The following MRPS25 variants were observed in gnomAD, a reference collection of about 807,000 sequenced individuals.
MRPS25 encodes the protein mitochondrial ribosomal protein S25, also known as small ribosomal subunit protein mS25.
Under a neutral mutation model 17.3 loss-of-function variants are expected in MRPS25, and 15 were observed. That is an observed-to-expected ratio of 0.87 (90% confidence interval 0.58 to 1.34). The LOEUF (loss-of-function observed/expected upper bound fraction) is 1.34. Among genes scored for constraint, MRPS25 ranks in the 40% most tolerant of loss-of-function variants. MRPS25 has a pLI of 0.00. For synonymous variants in MRPS25, 94 were observed against 83.3 expected, an observed-to-expected ratio of 1.13 and a Z score of -0.70; for missense variants, 225 against 218.6, an observed-to-expected ratio of 1.03 and a Z score of -0.19.
Position 15,052,294 on chromosome 3 carries a change from T to C in MRPS25, c.*147A>G. ...CAGACCCTCCTCTCCCACATCCTTTTACACAGGTGTGTAAAGTCCTTTTAA... is the reference window on the plus strand; with the variant it reads ...CAGACCCTCCTCTCCCACATCCTTTCACACAGGTGTGTAAAGTCCTTTTAA... On this transcript the variant is annotated 3_prime_UTR_variant, in exon 4 of 4. Transcript: ENST00000253686. 1 of 1,428,862 alleles carries C rather than the reference T, an allele frequency of 7.0e-7. No individual in the cohort carries two copies. Among genetic ancestry groups the C allele is most frequent in the Non-Finnish European group, 9.1e-7 (1 of 1,093,008 alleles). The allele number at this position is 1,428,862 out of a possible 1,614,324, so 88.5% of individuals were successfully genotyped here.
Position 15,059,362 on chromosome 3 carries a change from C to T in MRPS25, c.241+7G>A. On this transcript the variant is annotated splice_region_variant and intron_variant, in intron 2 of 3. Coordinates refer to ENST00000253686, the MANE Select transcript of MRPS25 (RefSeq NM_022497.5). ...AGCCCCTGGACCATGGCGAGGGCCCCACTCACCTAAGTAGAATCGCAGGAA... is the reference window on the plus strand; with the variant it reads ...AGCCCCTGGACCATGGCGAGGGCCCTACTCACCTAAGTAGAATCGCAGGAA... 2 of 1,596,180 alleles carry T rather than the reference C, an allele frequency of 1.3e-6. No homozygotes were observed. Among genetic ancestry groups the T allele is most frequent in the Non-Finnish European group, 1.7e-6 (2 of 1,164,032 alleles).
At chr3:15,061,989 C>T (rs1441221578) in intron 1 of MRPS25, among the ~76,000 whole-genome samples, 1 of 149,446 alleles carries the variant, frequency 6.7e-6, no homozygotes, top group Non-Finnish European at 1.5e-5. Context: ...GCAGCCGCCC[C>T]GTCTGGGAAG....
rs985090387 is a variant in MRPS25 at position 15,065,109 on chromosome 3, A to C, written c.86T>G (p.Val29Gly). The change falls in exon 1 of 4, where the codon GTC (valine) becomes GGC (glycine). Residue 29 changes from valine (V) to glycine (G), a missense_variant. Coordinates refer to ENST00000253686, the MANE Select transcript of MRPS25 (RefSeq NM_022497.5). ...GNVVFKDSVKVMTVNYNTHGE... is the reference protein window; with the variant it reads ...GNVVFKDSVKGMTVNYNTHGE... ...ATGCGTGTTGTAATTCACTGTCATG[A>C]CCTTCACGGAGTCCTTGAACACCAC... 6.2e-7 allele frequency: 1 copy of C among 1,608,928 alleles called. No individual in the cohort carries two copies. Among genetic ancestry groups the C allele is most frequent in the Non-Finnish European group, 8.5e-7 (1 of 1,177,970 alleles).
chr3:15,065,236 G>T lies in MRPS25; in HGVS notation c.-42C>A. ...GGGCCGACCCCACGGGCCGCGAGCC[G>T]AGCAGCGACGAGAAAGGACTAGCTA... is the stretch of plus-strand genomic sequence containing the variant. On this transcript the variant is annotated 5_prime_UTR_variant, in exon 1 of 4. Transcript: ENST00000253686. 1 of 1,547,698 alleles carries T rather than the reference G, an allele frequency of 6.5e-7. No homozygotes were observed. The highest frequency in any genetic ancestry group is 1.2e-5 in the South Asian group (1 of 83,654).
At chr3:15,058,253 G>C (rs571208541) in intron 2 of MRPS25, among the ~76,000 whole-genome samples, 1 of 151,716 alleles carries the variant, frequency 6.6e-6, no homozygotes, top group South Asian at 2.1e-4. Context: ...GCAGTGGCGC[G>C]ATCTCGGCTC....
intron 1 of MRPS25, among the ~76,000 whole-genome samples, chr3:15,060,324 G>A (rs914686149): frequency 6.6e-6 from 1 of 151,864 alleles, no homozygotes; most frequent in African/African-American, 2.4e-5. Context: ...ACCAGCCTGG[G>A]CAATATAGGG....
Position 15,065,198 on chromosome 3 carries a change from G to C in MRPS25, c.-4C>G. ...GGAAGCGGCCCTTCATGGGCATGGC[G>C]GCAACGGTGGCGGGGCCGACCCCAC... On this transcript the variant is annotated 5_prime_UTR_variant, in exon 1 of 4. Coordinates refer to ENST00000253686, the MANE Select transcript of MRPS25 (RefSeq NM_022497.5). 6.3e-7 allele frequency: 1 copy of C among 1,590,380 alleles called. No individual in the cohort carries two copies. The highest frequency in any genetic ancestry group is 8.5e-7 in the Non-Finnish European group (1 of 1,169,938).
chr3:15,047,737 A>G (rs2125123262), downstream of MRPS25: 1 of 152,354 alleles, frequency 6.6e-6, no homozygotes, highest in East Asian at 1.9e-4. Context: ...ATTCTTTAAA[A>G]CTAAGCATGG....
At position 15,050,684 on chromosome 3, in the gene MRPS25, T is replaced by A; in HGVS notation, c.*1757A>T. On this transcript the variant is annotated 3_prime_UTR_variant, in exon 4 of 4. Transcript: ENST00000253686. ...AAATGCTGATAGCAGAGAGACAAGATGCTAGATTTCAATTAAACACTCCCT... is the reference window on the plus strand; with the variant it reads ...AAATGCTGATAGCAGAGAGACAAGAAGCTAGATTTCAATTAAACACTCCCT... 1 of 985,360 alleles carries A rather than the reference T, an allele frequency of 1.0e-6. No individual in the cohort carries two copies. Among genetic ancestry groups the A allele is most frequent in the Middle Eastern group, 5.2e-4 (1 of 1,916 alleles). 61.0% of individuals were successfully genotyped at this position (985,360 alleles called of 1,614,324 possible).
Position 15,052,579 on chromosome 3 carries a change from G to C in MRPS25, c.384C>G (p.Asn128Lys). Reference protein sequence around the residue: ...EEKKQLSHPANFGPRKYCLRE... With the variant: ...EEKKQLSHPAKFGPRKYCLRE... ...GCAGGCAGTACTTTCGAGGGCCGAA[G>C]TTGGCTGGGTGAGAAAGCTGCTTTT... Residue 128 changes from asparagine (N) to lysine (K), a missense_variant, in exon 4 of 4, where the codon AAC becomes AAG. Asn to Lys is a moderately conservative substitution (Grantham distance 94). Coordinates refer to ENST00000253686, the MANE Select transcript of MRPS25 (RefSeq NM_022497.5). 1 of 1,614,204 alleles carries C rather than the reference G, an allele frequency of 6.2e-7. No homozygotes were observed. The highest frequency in any genetic ancestry group is 1.1e-5 in the South Asian group (1 of 91,084).
rs751199112 is a variant in MRPS25 at position 15,053,485 on chromosome 3, G to A, written c.242-18C>T. ...CCCAGAATCTGGAAACGGAAAGCAC[G>A]GGGCAGAAGAGAAACAGAACTCACA... On this transcript the variant is annotated intron_variant, in intron 2 of 3. Coordinates refer to ENST00000253686, the MANE Select transcript of MRPS25 (RefSeq NM_022497.5). 2.0e-5 allele frequency: 32 copies of A among 1,613,988 alleles called. No homozygotes were observed. The highest frequency in any genetic ancestry group is 1.6e-4 in the Middle Eastern group (1 of 6,084).
At chr3:15,060,492 G>C (rs2042736545) in intron 1 of MRPS25, among the ~76,000 whole-genome samples, 1 of 148,854 alleles carries the variant, frequency 6.7e-6, no homozygotes, top group Non-Finnish European at 1.5e-5. Context: ...TTCCAGTCTA[G>C]GCGACAGAGC....
chr3:15,059,611 G>C (rs116714023), intron 1 of MRPS25, 136 bp from the exon 2 acceptor site: 2 of 661,550 alleles, frequency 3.0e-6, no homozygotes, highest in Non-Finnish European at 5.3e-6. Flanking sequence ...GAAAAAACTC[G>C]CAGGGATCCT....
intron 2 of MRPS25, among the ~76,000 whole-genome samples, chr3:15,056,284 G>A (rs1441537401): frequency 6.6e-6 from 1 of 151,942 alleles, no homozygotes; most frequent in African/African-American, 2.4e-5. Flanking sequence ...CACAGGAAAA[G>A]ATACTTGGGG....
At chr3:15,042,626 T>C, downstream of MRPS25, 1 of 525,412 alleles carries the variant, frequency 1.9e-6, no homozygotes, top group Non-Finnish European at 3.4e-6. Context: ...AGGGAACACA[T>C]CTGTACATAC....
intron 2 of MRPS25, among the ~76,000 whole-genome samples, chr3:15,056,959 T>C (rs1022346926): frequency 1.3e-5 from 2 of 152,210 alleles, no homozygotes; most frequent in Non-Finnish European, 2.9e-5. Context: ...GACCTGGCAG[T>C]TGCACTCAGG....
intron 2 of MRPS25, among the ~76,000 whole-genome samples, chr3:15,054,448 A>AGG (rs2042644005): frequency 6.6e-6 from 1 of 151,516 alleles, no homozygotes; most frequent in Non-Finnish European, 1.5e-5. Flanking sequence ...AGGCTGAGGC[A>AGG]GGAGAACAGC....
intron 1 of MRPS25, among the ~76,000 whole-genome samples, chr3:15,061,208 G>A (rs375339160): frequency 1.2e-4 from 18 of 151,986 alleles, no homozygotes; most frequent in Admixed American, 5.9e-4. Context: ...CTGCCTCTCC[G>A]TCTCCCTCTC....
chr3:15,057,747 G>C (rs1210215512), intron 2 of MRPS25, among the ~76,000 whole-genome samples: 1 of 152,208 alleles, frequency 6.6e-6, no homozygotes, highest in Non-Finnish European at 1.5e-5. Context: ...CGTGCTACTT[G>C]GGTGTGCCAT....
Sources: allele counts gnomAD v4.1 joint callset (sites outside exome capture counted in the v4.1 genomes callset), GRCh38; gene constraint gnomAD v4.1.1; transcripts MANE v1.5; gene names NCBI Gene and HGNC (gene_info 2026-07-23, HGNC 2026-07-21).